Variants in SAMD4A observed in about 807,000 individuals in gnomAD.
SAMD4A encodes the protein protein Smaug homolog 1.
SAMD4A carries 33 observed loss-of-function variants against 81.3 expected under a neutral mutation model. That is an observed-to-expected ratio of 0.41 (90% CI 0.31 to 0.54). The LOEUF (loss-of-function observed/expected upper bound fraction) is 0.54, where lower values mean the gene tolerates loss of function less well. Among genes scored for constraint, SAMD4A ranks in the 20% least tolerant of loss-of-function variants. The pLI is 0.37. For synonymous variants in SAMD4A, 389 were observed against 382.1 expected (o/e 1.02, Z -0.21); for missense variants, 854 against 951.1 (o/e 0.90, Z 1.34).
chr14:54,759,349 G>A (rs770240441), intron 6 of SAMD4A, among the ~76,000 whole-genome samples: 3 of 152,238 alleles, frequency 2.0e-5, no homozygotes, highest in Non-Finnish European at 4.4e-5. Flanking sequence ...AGGCCTCCTT[G>A]CTGTTCCTCA....
chr14:54,661,590 G>A (rs1257446544), intron 2 of SAMD4A, among the ~76,000 whole-genome samples: 37 of 152,244 alleles, frequency 2.4e-4, no homozygotes, highest in Non-Finnish European at 7.4e-5. Flanking sequence ...AATCCTTATC[G>A]AACCTTCTAG....
At chr14:54,755,080 G>C (rs1047912408) in intron 6 of SAMD4A, among the ~76,000 whole-genome samples, 3 of 152,178 alleles carry the variant, frequency 2.0e-5, no homozygotes, top group East Asian at 3.8e-4. Flanking sequence ...AGAAGAGCTG[G>C]ATGTTGGCCG....
intron 2 of SAMD4A, among the ~76,000 whole-genome samples, chr14:54,590,405 C>T (rs989960541): frequency 6.6e-6 from 1 of 152,010 alleles, no homozygotes; most frequent in African/African-American, 2.4e-5. Context: ...GTGGGAGGAT[C>T]GCCTGAGCCC....
At chr14:54,744,811 C>T (rs2037928180) in intron 4 of SAMD4A, among the ~76,000 whole-genome samples, 1 of 152,206 alleles carries the variant, frequency 6.6e-6, no homozygotes, top group African/African-American at 2.4e-5. Flanking sequence ...GACAAGGAAC[C>T]TCGTTCTCCA....
At chr14:54,676,780 A>G (rs182169998) in intron 2 of SAMD4A, among the ~76,000 whole-genome samples, 54 of 152,336 alleles carry the variant, frequency 3.5e-4, no homozygotes, top group Middle Eastern at 3.4e-3. Flanking sequence ...CAGGATGACA[A>G]TGCTTTAGGC....
intron 3 of SAMD4A, among the ~76,000 whole-genome samples, chr14:54,713,712 C>T (rs2037049497): frequency 1.3e-5 from 2 of 152,180 alleles, no homozygotes; most frequent in Admixed American, 1.3e-4. Flanking sequence ...TAATGGATTA[C>T]TTTATGCTTT....
At chr14:54,760,620 T>G in intron 7 of SAMD4A, 126 bp downstream of exon 7, 1 of 1,332,278 alleles carries the variant, frequency 7.5e-7, no homozygotes, top group Non-Finnish European at 9.5e-7. Context: ...AGCTTCATCT[T>G]ACAGATAGGG....
chr14:54,715,807 G>C (rs1200037351), intron 3 of SAMD4A, among the ~76,000 whole-genome samples: 3 of 152,158 alleles, frequency 2.0e-5, no homozygotes, highest in Non-Finnish European at 4.4e-5. Context: ...ACGTATTAGA[G>C]TTTATTAATA....
intron 12 of SAMD4A, among the ~76,000 whole-genome samples, chr14:54,788,639 T>C (rs888940713): frequency 1.3e-5 from 2 of 152,254 alleles, no homozygotes; most frequent in African/African-American, 4.8e-5. Flanking sequence ...CATTATTGTC[T>C]GTCTACATGT....
intron 3 of SAMD4A, among the ~76,000 whole-genome samples, chr14:54,715,408 G>A (rs1457068946): frequency 6.6e-6 from 1 of 152,112 alleles, no homozygotes; most frequent in Non-Finnish European, 1.5e-5. Context: ...GGGTGGGGGA[G>A]GAGAGTGAAA....
rs544212626 is a variant in SAMD4A at position 54,635,251 on chromosome 14, C to T, written c.197-66811C>T. 4.7e-5 allele frequency among the ~76,000 whole-genome samples: 7 copies of T among 149,418 alleles called. No homozygotes were observed. The South Asian group carries it at 6.4e-4, about 14-fold the overall frequency. ...CAGCCTGGCCAACATGGTGAAACAC[C>T]GTCTCTACTAAAAATACAAAAAAAT... On this transcript the variant is annotated intron_variant, in intron 2 of 12. Transcript: ENST00000554335.
intron 3 of SAMD4A, among the ~76,000 whole-genome samples, chr14:54,710,945 C>T (rs1566598141): frequency 6.6e-6 from 1 of 152,172 alleles, no homozygotes; most frequent in Non-Finnish European, 1.5e-5. Flanking sequence ...AGTGGCAGAG[C>T]ACCTTGTTGG....
chr14:54,685,736 C>T (rs377227428), intron 2 of SAMD4A: 8 of 456,570 alleles, frequency 1.8e-5, no homozygotes, highest in Admixed American at 9.4e-5. Flanking sequence ...AGAACACTTA[C>T]AACCAGAACA....
chr14:54,789,514 T>A lies in SAMD4A; in HGVS notation c.*570T>A, dbSNP rs943955609. ...GCAGTAGGGGAAAGAAGGAAGAAAT[T>A]CCCTGCAACAAAACTTCAGCTAAAC... On this transcript the variant is annotated 3_prime_UTR_variant, in exon 13 of 13. Coordinates refer to ENST00000554335, the MANE Select transcript of SAMD4A (RefSeq NM_015589.6). 6.5e-6 allele frequency: 1 copy of A among 153,470 alleles called. No individual in the cohort carries two copies. Among genetic ancestry groups the A allele is most frequent in the Non-Finnish European group, 1.5e-5 (1 of 68,928 alleles). The allele number at this position is 153,470 out of a possible 1,614,324, so 9.5% of individuals were successfully genotyped here.
intron 8 of SAMD4A, 62 bp downstream of exon 8, chr14:54,764,602 G>T: frequency 9.0e-7 from 1 of 1,109,386 alleles, no homozygotes; most frequent in Non-Finnish European, 1.3e-6. Flanking sequence ...GGTTCTCAGA[G>T]TTTCTGTGAT....
chr14:54,677,570 C>T lies in SAMD4A; in HGVS notation c.197-24492C>T, dbSNP rs555167060. 6.6e-5 allele frequency among the ~76,000 whole-genome samples: 10 copies of T among 152,264 alleles called. No homozygotes were observed. The South Asian group carries it at 2.1e-3, about 32-fold the overall frequency. The stretch of plus-strand genomic sequence containing the variant: ...AGGCTTTGTAATGGAAATCGTAGTT[C>T]CAAGCTACGGTTCTTACCAAGTGGA... On this transcript the variant is annotated intron_variant, in intron 2 of 12. Transcript: ENST00000554335.
chr14:54,761,154 C>T (rs2038387931), intron 7 of SAMD4A, among the ~76,000 whole-genome samples: 1 of 152,240 alleles, frequency 6.6e-6, no homozygotes. Context: ...TCCTCTATAG[C>T]AGACACAGTT....
intron 2 of SAMD4A, among the ~76,000 whole-genome samples, chr14:54,639,801 A>AACACACACACACACACACAC (rs10677522): frequency 3.4e-5 from 5 of 148,844 alleles, no homozygotes; most frequent in African/African-American, 1.2e-4. Flanking sequence ...CATTGCTTGA[A>AACACACACACACACACACAC]ACACACACAC....
chr14:54,746,615 C>A (rs1420049613), intron 4 of SAMD4A, among the ~76,000 whole-genome samples: 1 of 152,230 alleles, frequency 6.6e-6, no homozygotes, highest in Admixed American at 6.5e-5. Context: ...ACCACGTTAT[C>A]ACCTTGGTTT....
Sources: gnomAD v4.1 joint callset for allele counts (sites outside exome capture counted in the v4.1 genomes callset) on GRCh38, gnomAD v4.1.1 for gene constraint, MANE v1.5 for transcripts, NCBI Gene and HGNC (gene_info 2026-07-23, HGNC 2026-07-21) for gene names.